Variants in EYS observed in about 807,000 individuals in gnomAD.
The protein encoded by EYS is EGF-like photoreceptor maintenance factor.
Under a neutral mutation model 282.1 loss-of-function variants are expected in EYS, and 250 were observed. That is an observed-to-expected ratio of 0.89 (90% CI 0.80 to 0.98). The LOEUF is 0.98. Among genes scored for constraint, EYS ranks in the 50% least tolerant of loss-of-function variants. EYS has a pLI of 0.00. For missense variants in EYS, 4,016 were observed against 3,709.0 expected, an observed-to-expected ratio of 1.08 and a Z score of -2.15; for synonymous variants, 1,355 against 1,282.9, an observed-to-expected ratio of 1.06 and a Z score of -1.20.
intron 12 of EYS, among the ~76,000 whole-genome samples, chr6:65,114,364 A>AAAGC (rs1554154198): frequency 1.2e-4 from 10 of 85,516 alleles, no homozygotes; most frequent in African/African-American, 1.5e-4. Context: ...AAAAAAAAAA[A>AAAGC]AGCAGCAGCA....
At chr6:64,040,182 G>A (rs1180934583) in intron 33 of EYS, among the ~76,000 whole-genome samples, 1 of 152,152 alleles carries the variant, frequency 6.6e-6, no homozygotes, top group Non-Finnish European at 1.5e-5. Flanking sequence ...TGTAAATTGA[G>A]AGTTTGAAGC....
intron 12 of EYS, among the ~76,000 whole-genome samples, chr6:65,270,949 G>T (rs1164576551): frequency 2.6e-5 from 4 of 151,130 alleles, no homozygotes; most frequent in Non-Finnish European, 5.9e-5. Context: ...CACCAGAATT[G>T]TCTTTAAAAG....
At chr6:64,441,424 C>A (rs1277394294) in intron 26 of EYS, among the ~76,000 whole-genome samples, 8 of 152,156 alleles carry the variant, frequency 5.3e-5, no homozygotes, top group African/African-American at 1.7e-4. Context: ...AGAACAAGAT[C>A]TTGAAGTATA....
chr6:65,046,816 G>A (rs1050323341), intron 13 of EYS, among the ~76,000 whole-genome samples: 12 of 151,894 alleles, frequency 7.9e-5, no homozygotes, highest in Non-Finnish European at 2.9e-5. Context: ...AAGTTGGGGA[G>A]GAACCTGGTG....
rs150573592 is a variant in EYS at position 64,949,114 on chromosome 6, A to G, written c.2260-3200T>C. Among the ~76,000 whole-genome samples, 8 of 152,096 alleles carry G rather than the reference A, an allele frequency of 5.3e-5. No individual in the cohort carries two copies. In the East Asian group the frequency reaches 1.5e-3, roughly 29 times the overall value. ...AGATTAAACAATATCTCTGATGCTT[A>G]TTAAATCTCTAGACATCTAGTATAT... On this transcript the variant is annotated intron_variant, in intron 14 of 42. Coordinates refer to ENST00000503581, the MANE Select transcript of EYS (RefSeq NM_001142800.2).
intron 22 of EYS, among the ~76,000 whole-genome samples, chr6:64,753,224 C>A (rs1048791899): frequency 9.2e-5 from 14 of 152,002 alleles, no homozygotes; most frequent in Non-Finnish European, 1.9e-4. Context: ...AACACTATGA[C>A]AGGAACAGAC....
At chr6:64,492,804 G>C (rs1776777835) in intron 26 of EYS, among the ~76,000 whole-genome samples, 1 of 151,172 alleles carries the variant, frequency 6.6e-6, no homozygotes, top group Non-Finnish European at 1.5e-5. Context: ...AGTACAGATA[G>C]CATTTAGCAG....
rs553791037 is a variant in EYS at position 64,145,969 on chromosome 6, G to A, written c.6425-63967C>T. ...TACCAATGTGTTCACATGACCTTAT[G>A]TTTTTGTCAAGTCTTCTAAAGTAAG... is the stretch of plus-strand genomic sequence containing the variant. On this transcript the variant is annotated intron_variant, in intron 31 of 42. Coordinates refer to ENST00000503581, the MANE Select transcript of EYS (RefSeq NM_001142800.2). Among the ~76,000 whole-genome samples the A allele has an allele frequency of 2.0e-5, 3 of 152,206 alleles. No homozygotes were observed. In the East Asian group the frequency reaches 5.8e-4, roughly 29 times the overall value.
chr6:64,031,065 G>T (rs183825736), intron 33 of EYS, among the ~76,000 whole-genome samples: 5 of 152,368 alleles, frequency 3.3e-5, no homozygotes, highest in African/African-American at 4.8e-5. Context: ...GGCAGCACAT[G>T]GGGAGCTTCA....
chr6:64,425,492 T>C (rs1774373897), intron 28 of EYS, among the ~76,000 whole-genome samples: 1 of 151,628 alleles, frequency 6.6e-6, no homozygotes, highest in African/African-American at 2.4e-5. Flanking sequence ...CTGTCTCTAC[T>C]AAAAATCCAA....
At chr6:64,084,050 TAGTATA>T (rs977175263) in intron 31 of EYS, among the ~76,000 whole-genome samples, 1 of 152,216 alleles carries the variant, frequency 6.6e-6, no homozygotes, top group Admixed American at 6.5e-5. Context: ...AATAAGTTTT[TAGTATA>T]AGTATGTCTC....
Position 65,496,002 on chromosome 6 carries a change from C to T in EYS, c.-332-9G>A, listed in dbSNP as rs1271189282. ...TAGTTTTCAAAAAACACCTTTAAAA[C>T]GTAGAAGAGTAAACACCATTTAAAC... is the stretch of plus-strand genomic sequence containing the variant. On this transcript the variant is annotated splice_polypyrimidine_tract_variant and intron_variant, in intron 2 of 42. Transcript: ENST00000503581. 1 of 152,948 alleles carries T rather than the reference C, an allele frequency of 6.5e-6. No individual in the cohort carries two copies. Among genetic ancestry groups the T allele is most frequent in the Non-Finnish European group, 1.5e-5 (1 of 68,696 alleles). The allele number at this position is 152,948 out of a possible 1,614,324, so 9.5% of individuals were successfully genotyped here. A position where few individuals can be genotyped will look rare whatever the true frequency, so the allele number is the denominator to read the frequency against.
chr6:64,675,955 C>T (rs1398680080), intron 22 of EYS, among the ~76,000 whole-genome samples: 1 of 148,324 alleles, frequency 6.7e-6, no homozygotes, highest in Non-Finnish European at 1.5e-5. Flanking sequence ...CTAGATATAT[C>T]TATCGATATA....
chr6:63,972,559 A>T (rs1766628157), intron 35 of EYS, among the ~76,000 whole-genome samples: 1 of 152,014 alleles, frequency 6.6e-6, no homozygotes, highest in African/African-American at 2.4e-5. Flanking sequence ...TTATTATTAT[A>T]CTTTAAGTTC....
At chr6:63,742,253 G>T (rs1057316236) in intron 41 of EYS, among the ~76,000 whole-genome samples, 1 of 152,028 alleles carries the variant, frequency 6.6e-6, no homozygotes, top group African/African-American at 2.4e-5. Flanking sequence ...GGTGACTCAT[G>T]CCTGCTTATC....
intron 31 of EYS, among the ~76,000 whole-genome samples, chr6:64,158,468 G>C (rs1388735886): frequency 6.6e-6 from 1 of 152,094 alleles, no homozygotes; most frequent in Non-Finnish European, 1.5e-5. Context: ...CTAAATACCT[G>C]CAGTGGTGAG....
intron 22 of EYS, among the ~76,000 whole-genome samples, chr6:64,812,935 T>A (rs1473650423): frequency 1.3e-5 from 2 of 152,048 alleles, no homozygotes; most frequent in Non-Finnish European, 2.9e-5. Flanking sequence ...ATTGATAGAA[T>A]AATTTGCTTT....
At chr6:64,333,143 C>T (rs1246984720) in intron 29 of EYS, among the ~76,000 whole-genome samples, 1 of 151,490 alleles carries the variant, frequency 6.6e-6, no homozygotes, top group African/African-American at 2.5e-5. Flanking sequence ...GTCTGTGATC[C>T]TGGAAACAGG....
intron 1 of EYS, among the ~76,000 whole-genome samples, chr6:65,653,045 C>T (rs1767707760): frequency 6.6e-6 from 1 of 151,804 alleles, no homozygotes; most frequent in Non-Finnish European, 1.5e-5. Context: ...CAGGCAGAAG[C>T]TACAATCATG....
Sources: allele counts gnomAD v4.1 joint callset (sites outside exome capture counted in the v4.1 genomes callset), GRCh38; gene constraint gnomAD v4.1.1; transcripts MANE v1.5; gene names NCBI Gene and HGNC (gene_info 2026-07-23, HGNC 2026-07-21).